Variants in KIAA1549L observed in about 807,000 individuals in gnomAD.
The protein encoded by KIAA1549L is KIAA1549 like, also known as UPF0606 protein KIAA1549L.
In KIAA1549L, 88 loss-of-function variants were observed where a neutral mutation model predicts 160.7. The observed-to-expected ratio is 0.55, with a 90% confidence interval of 0.46 to 0.65. The LOEUF is 0.65. Among genes scored for constraint, KIAA1549L ranks in the 30% least tolerant of loss-of-function variants. The pLI, the probability that KIAA1549L is intolerant of heterozygous loss-of-function variation, is 0.00. For missense variants in KIAA1549L, 2,258 were observed against 2,437.5 expected, an observed-to-expected ratio of 0.93 and a Z score of 1.55; for synonymous variants, 950 against 976.7, an observed-to-expected ratio of 0.97 and a Z score of 0.51.
chr11:33,421,559 T>C lies in KIAA1549L; in HGVS notation c.238+44670T>C, dbSNP rs535024911. ...GTGCATGTTAAAGTTTGAGAAGTAC[T>C]GACTTAACACTTTCCTTTTAATACA... On this transcript the variant is annotated intron_variant, in intron 1 of 20. Coordinates refer to ENST00000658780, the MANE Select transcript of KIAA1549L (RefSeq NM_012194.3). Among the ~76,000 whole-genome samples the C allele has an allele frequency of 5.3e-5, 8 of 152,348 alleles. No homozygotes were observed. In the South Asian group the frequency reaches 1.7e-3, roughly 32 times the overall value.
rs146549664 is a variant in KIAA1549L at position 33,543,972 on chromosome 11, C to G, written c.2409C>G (p.Pro803=). Residue 803 remains proline, a synonymous_variant, in exon 2 of 21, where the codon CCC becomes CCG. Transcript: ENST00000658780. Reference sequence around the variant, plus strand: ...TTGGAAGCCATATAGACCTCTGGCCCACAAGCAATAACAACCATTCCAGAG... The same window carrying G: ...TTGGAAGCCATATAGACCTCTGGCCGACAAGCAATAACAACCATTCCAGAG... ...TMVGSHIDLW[P]TSNNNHSRDF... 25,423 of 1,613,974 alleles carry G rather than the reference C, an allele frequency of 0.016. 219 individuals carry two copies. Among genetic ancestry groups the G allele is most frequent in the Non-Finnish European group, 0.019 (22,646 of 1,179,884 alleles).
chr11:33,597,483 C>T (rs1416309202), intron 12 of KIAA1549L, among the ~76,000 whole-genome samples: 1 of 152,168 alleles, frequency 6.6e-6, no homozygotes, highest in Non-Finnish European at 1.5e-5. Context: ...GCATTTATTC[C>T]AGACAATTCT....
At chr11:33,447,580 T>C (rs556358592) in intron 1 of KIAA1549L, among the ~76,000 whole-genome samples, 41 of 144,812 alleles carry the variant, frequency 2.8e-4, no homozygotes, top group Non-Finnish European at 4.8e-4. Flanking sequence ...CCATCCCACC[T>C]ATCTAGTCAG....
chr11:33,564,780 T>A (rs1003032835), intron 8 of KIAA1549L, among the ~76,000 whole-genome samples: 1 of 152,252 alleles, frequency 6.6e-6, no homozygotes, highest in African/African-American at 2.4e-5. Flanking sequence ...CTTCACATTC[T>A]CCTTTTGTAG....
At chr11:33,576,685 T>C (rs1855459385) in intron 10 of KIAA1549L, among the ~76,000 whole-genome samples, 1 of 152,290 alleles carries the variant, frequency 6.6e-6, no homozygotes, top group Non-Finnish European at 1.5e-5. Flanking sequence ...CGGCGCAAGA[T>C]AATGATTCTG....
intron 1 of KIAA1549L, among the ~76,000 whole-genome samples, chr11:33,503,876 G>A (rs796356027): frequency 9.2e-5 from 14 of 152,318 alleles, no homozygotes; most frequent in African/African-American, 3.4e-4. Context: ...AATGCAGCAG[G>A]AATGGTCAAC....
intron 16 of KIAA1549L, among the ~76,000 whole-genome samples, chr11:33,642,710 G>C (rs764072326): frequency 1.8e-4 from 27 of 152,118 alleles, no homozygotes; most frequent in Non-Finnish European, 3.7e-4. Context: ...GGGTGGAGCA[G>C]GTAATTGGAA....
chr11:33,440,120 C>CTTTTTTTTTTTTTTTTTTTT lies in KIAA1549L; in HGVS notation c.238+63239_238+63258dup, dbSNP rs201551936. Among the ~76,000 whole-genome samples, 58 of 83,404 alleles carry CTTTTTTTTTTTTTTTTTTTT rather than the reference C, an allele frequency of 7.0e-4. 14 individuals carry two copies. Among genetic ancestry groups the CTTTTTTTTTTTTTTTTTTTT allele is most frequent in the South Asian group, 9.4e-4 (2 of 2,118 alleles). 54.7% of individuals were successfully genotyped at this position (83,404 alleles called of 152,430 possible). On this transcript the variant is annotated intron_variant, in intron 1 of 20. Coordinates refer to ENST00000658780, the MANE Select transcript of KIAA1549L (RefSeq NM_012194.3). ...GGTTATTTCCTCACCTATTTTGTTT[C>CTTTTTTTTTTTTTTTTTTTT]TTTTTTTTTTTTTTTTTTTTTTTTT...
intron 14 of KIAA1549L, among the ~76,000 whole-genome samples, chr11:33,608,722 C>T (rs2133326925): frequency 1.3e-5 from 2 of 152,346 alleles, no homozygotes; most frequent in South Asian, 4.1e-4. Context: ...AGCAAATCAG[C>T]ATCTTCCTTG....
intron 20 of KIAA1549L, among the ~76,000 whole-genome samples, chr11:33,663,047 G>C (rs1009032569): frequency 1.3e-5 from 2 of 152,180 alleles, no homozygotes; most frequent in African/African-American, 4.8e-5. Flanking sequence ...AAAGGAGCAA[G>C]GTGAAACGGG....
chr11:33,545,695 A>G (rs1344696695), intron 3 of KIAA1549L, among the ~76,000 whole-genome samples: 1 of 152,204 alleles, frequency 6.6e-6, no homozygotes, highest in Non-Finnish European at 1.5e-5. Flanking sequence ...CAAGTGTTAG[A>G]GGAGAGAGGG....
At chr11:33,591,716 A>G (rs528558229) in intron 12 of KIAA1549L, among the ~76,000 whole-genome samples, 1 of 152,372 alleles carries the variant, frequency 6.6e-6, no homozygotes, top group South Asian at 2.1e-4. Flanking sequence ...AACTTATATT[A>G]AAAGCAGTGC....
In KIAA1549L at chr11:33,435,832, G is replaced by GTGTA. The variant is rs1851364614; in HGVS notation, c.238+58944_238+58945insGTAT. On this transcript the variant is annotated intron_variant, in intron 1 of 20. Transcript: ENST00000658780. ...TATATGTGTGTGTATATATATATAT[G>GTGTA]TATATGTATATGTGTGTGTGTGTGT... Among the ~76,000 whole-genome samples the GTGTA allele has an allele frequency of 1.0e-3, 35 of 33,578 alleles. 6 individuals carry two copies. The highest frequency in any genetic ancestry group is 6.1e-3 in the African/African-American group (35 of 5,776). 22.0% of individuals were successfully genotyped at this position (33,578 alleles called of 152,430 possible). A position where few individuals can be genotyped will look rare whatever the true frequency, so the allele number is the denominator to read the frequency against.
chr11:33,667,963 G>T lies in KIAA1549L; in HGVS notation c.6250G>T (p.Ala2084Ser). 1 of 1,613,894 alleles carries T rather than the reference G, an allele frequency of 6.2e-7. No homozygotes were observed. Among genetic ancestry groups the T allele is most frequent in the East Asian group, 2.2e-5 (1 of 44,882 alleles). Residue 2084 changes from alanine to serine, a missense_variant, in exon 21 of 21, where the codon GCC becomes TCC. Ala to Ser is a moderately conservative substitution (Grantham distance 99, BLOSUM62 1). Coordinates refer to ENST00000658780, the MANE Select transcript of KIAA1549L (RefSeq NM_012194.3). ...SRLPRQYSQP[A>S]NLHPSLEQAP... is the part of the protein sequence containing the mutation. Reference sequence around the variant, plus strand: ...GCTTCCTCGTCAGTACAGCCAGCCAGCCAACCTGCACCCCAGCCTGGAGCA... The same window carrying T: ...GCTTCCTCGTCAGTACAGCCAGCCATCCAACCTGCACCCCAGCCTGGAGCA...
At chr11:33,403,170 C>G (rs541667804) in intron 1 of KIAA1549L, 4 of 150,608 alleles carry the variant, frequency 2.7e-5, no homozygotes, top group Non-Finnish European at 5.9e-5. Flanking sequence ...ACCCAGCATG[C>G]GTGTGCATAC....
chr11:33,534,392 C>A (rs1030228818), intron 1 of KIAA1549L, among the ~76,000 whole-genome samples: 1 of 151,940 alleles, frequency 6.6e-6, no homozygotes, highest in Middle Eastern at 3.2e-3. Flanking sequence ...CGCACCTGGC[C>A]GCTTTCCACA....
intron 1 of KIAA1549L, among the ~76,000 whole-genome samples, chr11:33,392,615 C>T (rs140807359): frequency 3.3e-5 from 5 of 152,324 alleles, no homozygotes; most frequent in Admixed American, 3.3e-4. Context: ...TGCCCTTCTG[C>T]AGACATTCCC....
rs1264149521 is a variant in KIAA1549L, at chr11:33,634,534, G to T, written c.5410-11152G>T. On this transcript the variant is annotated intron_variant, in intron 16 of 20. Coordinates refer to ENST00000658780, the MANE Select transcript of KIAA1549L (RefSeq NM_012194.3). ...TTGCAACTCAAGGCAAATGGATCTT[G>T]TGGGCTGCTCAGTAATTGAATTTCC... Among the ~76,000 whole-genome samples the T allele has an allele frequency of 3.9e-5, 6 of 152,340 alleles. No homozygotes were observed. The South Asian group carries it at 8.3e-4, about 21-fold the overall frequency.
chr11:33,451,491 C>A (rs1433313586), intron 1 of KIAA1549L, among the ~76,000 whole-genome samples: 1 of 152,130 alleles, frequency 6.6e-6, no homozygotes, highest in East Asian at 1.9e-4. Context: ...GGCATTTCTC[C>A]CTACATTATT....
Sources: allele counts gnomAD v4.1 joint callset (sites outside exome capture counted in the v4.1 genomes callset), GRCh38; gene constraint gnomAD v4.1.1; transcripts MANE v1.5; gene names NCBI Gene and HGNC (gene_info 2026-07-23, HGNC 2026-07-21).